The following MIA2 variants were observed in gnomAD, a reference collection of about 807,000 sequenced individuals.
MIA2 encodes MIA SH3 domain ER export factor 2.
In MIA2, 127 loss-of-function variants were observed where a neutral mutation model predicts 167.8. The ratio of observed to expected loss-of-function variants is 0.76; its 90% CI spans 0.66 to 0.88. The LOEUF is 0.88. MIA2 is among the 40% of genes least tolerant of loss of function. The pLI, the probability that MIA2 is intolerant of heterozygous loss-of-function variation, is 0.00. For synonymous variants in MIA2, 552 were observed against 541.9 expected (o/e 1.02, Z -0.26); for missense variants, 1,690 against 1,624.7 (o/e 1.04, Z -0.69).
At chr14:39,306,260 A>T (rs2063323981) in intron 17 of MIA2, among the ~76,000 whole-genome samples, 1 of 152,198 alleles carries the variant, frequency 6.6e-6, no homozygotes, top group African/African-American at 2.4e-5. Flanking sequence ...ACATTGCTGT[A>T]AAGAACTACC....
intron 6 of MIA2, chr14:39,265,579 G>A (rs567911380): frequency 3.5e-6 from 2 of 571,734 alleles, no homozygotes; most frequent in East Asian, 3.3e-5. Flanking sequence ...ATTTGGAGTG[G>A]TAATTACTGA....
At position 39,288,451 on chromosome 14, in the gene MIA2, A is replaced by ATTTTTT; in HGVS notation, c.2131-2567_2131-2566insTTTTTT. On this transcript the variant is annotated intron_variant, in intron 9 of 28. Transcript: ENST00000640607. ...ATTATACATATATATATATATATATATATATATATATATATATATATATAT... is the reference window on the plus strand; with the variant it reads ...ATTATACATATATATATATATATATATTTTTTTATATATATATATATATATATATAT... Among the ~76,000 whole-genome samples the ATTTTTT allele has an allele frequency of 3.4e-3, 30 of 8,786 alleles. 7 individuals are homozygous for ATTTTTT. Among genetic ancestry groups the ATTTTTT allele is most frequent in the Non-Finnish European group, 4.4e-3 (18 of 4,098 alleles). 5.8% of individuals were successfully genotyped at this position (8,786 alleles called of 152,430 possible).
chr14:39,268,904 GT>G, intron 6 of MIA2: 2 of 695,266 alleles, frequency 2.9e-6, no homozygotes, highest in Non-Finnish European at 3.5e-6. Flanking sequence ...TGGAGGTAGG[GT>G]TTTTAGAAAG....
intron 7 of MIA2, 49 bp downstream of exon 7, chr14:39,277,114 T>G (rs1416794422): frequency 6.4e-7 from 1 of 1,558,974 alleles, no homozygotes; most frequent in East Asian, 2.3e-5. Flanking sequence ...GTCACTGGGC[T>G]GAACAAATAA....
chr14:39,364,217 G>A (rs1036183102), intron 23 of MIA2, among the ~76,000 whole-genome samples: 2 of 152,116 alleles, frequency 1.3e-5, no homozygotes, highest in Admixed American at 1.3e-4. Context: ...AATTAGCTGG[G>A]TGTGGTGGCG....
chr14:39,324,827 G>C (rs1051255451), intron 24 of MIA2, among the ~76,000 whole-genome samples: 24 of 151,982 alleles, frequency 1.6e-4, no homozygotes, highest in Admixed American at 1.1e-3. Context: ...GGCTGGTTTC[G>C]AACTCCTCAC....
chr14:39,293,544 CA>C (rs764627212), intron 11 of MIA2, among the ~76,000 whole-genome samples, 163 bp downstream of exon 11: 1 of 152,274 alleles, frequency 6.6e-6, no homozygotes, highest in Non-Finnish European at 1.5e-5. Flanking sequence ...TCACTTCCCC[CA>C]GATGTTACTG....
At chr14:39,353,680 C>A (rs2074449767), downstream of MIA2, among the ~76,000 whole-genome samples, 1 of 152,150 alleles carries the variant, frequency 6.6e-6, no homozygotes, top group African/African-American at 2.4e-5. Context: ...ATTAACTCAT[C>A]ATTTACATTA....
chr14:39,311,955 G>C (rs945520779), intron 18 of MIA2, among the ~76,000 whole-genome samples: 1 of 150,872 alleles, frequency 6.6e-6, no homozygotes, highest in Non-Finnish European at 1.5e-5. Context: ...TCAGACTCCC[G>C]AGTAGCTGGG....
intron 23 of MIA2, among the ~76,000 whole-genome samples, chr14:39,377,236 GA>G (rs202148004): frequency 0.1 from 10,903 of 106,142 alleles, 467 homozygotes; most frequent in South Asian, 0.22. Context: ...GGGGGAGGAA[GA>G]AAAAAAAAAA....
At chr14:39,345,834 A>G (rs1183090475) in intron 25 of MIA2, 70 bp from the exon 26 acceptor site, 4 of 1,354,210 alleles carry the variant, frequency 3.0e-6, no homozygotes, top group South Asian at 1.3e-5. Context: ...TGTAAGTTCA[A>G]TACGTTAAAC....
rs2054639555 is a variant in MIA2 at position 39,252,803 on chromosome 14, A to G, written c.1623A>G (p.Glu541=). Residue 541 remains glutamate, a synonymous_variant, in exon 5 of 29, where the codon GAA becomes GAG. Transcript: ENST00000640607. ...GAATTCACGAAGAAGTATATTTTGA[A>G]CCCTCATCTTCTAAAGATAGTGATG... ...PTRIHEEVYF[E]PSSSKDSDEN... The G allele has an allele frequency of 1.2e-6, 2 of 1,613,758 alleles. No homozygotes were observed. Among genetic ancestry groups the G allele is most frequent in the African/African-American group, 2.7e-5 (2 of 74,928 alleles).
intron 18 of MIA2, among the ~76,000 whole-genome samples, chr14:39,310,581 C>T (rs1223508751): frequency 1.3e-5 from 2 of 151,830 alleles, no homozygotes; most frequent in African/African-American, 2.4e-5. Context: ...AGGAAGCTAA[C>T]CCTGTATTAC....
At chr14:39,301,035 TACATACACACACACAC>T (rs1389990964) in intron 14 of MIA2, among the ~76,000 whole-genome samples, 143 of 68,676 alleles carry the variant, frequency 2.1e-3, no homozygotes, top group African/African-American at 7.1e-3. Flanking sequence ...TATATACATA[TACATACACACACACAC>T]ACACACACAC....
intron 28 of MIA2, 86 bp from the exon 29 acceptor site, chr14:39,350,012 A>G (rs952093085): frequency 3.6e-6 from 2 of 551,378 alleles, no homozygotes; most frequent in Middle Eastern, 3.1e-4. Context: ...AGAATAGGTA[A>G]TGGAAGTTAT....
chr14:39,293,158 A>G, intron 10 of MIA2, 113 bp from the exon 11 acceptor site: 1 of 759,650 alleles, frequency 1.3e-6, no homozygotes, highest in East Asian at 2.8e-5. Flanking sequence ...AAAATGAGCA[A>G]ATGTATAAAT....
chr14:39,298,423 ATATATATATATATATATAT>A (rs1379833092), intron 13 of MIA2, among the ~76,000 whole-genome samples: 1 of 19,702 alleles, frequency 5.1e-5, no homozygotes, highest in East Asian at 2.6e-3. Context: ...TTATATATAT[ATATATATATATATATATAT>A]AAAGATTAGT....
chr14:39,349,078 T>C (rs377737135), intron 28 of MIA2, 101 bp downstream of exon 28: 1 of 1,363,264 alleles, frequency 7.3e-7, no homozygotes, highest in Non-Finnish European at 1.0e-6. Flanking sequence ...TGGAGGAAAG[T>C]TTTTTCTAGC....
intron 6 of MIA2, among the ~76,000 whole-genome samples, chr14:39,254,460 G>A (rs886594392): frequency 2.0e-5 from 3 of 152,106 alleles, no homozygotes; most frequent in Non-Finnish European, 4.4e-5. Context: ...AGATTAAAGG[G>A]GTAAAGACCA....
Sources: allele counts gnomAD v4.1 joint callset (sites outside exome capture counted in the v4.1 genomes callset), GRCh38; gene constraint gnomAD v4.1.1; transcripts MANE v1.5; gene names NCBI Gene and HGNC (gene_info 2026-07-23, HGNC 2026-07-21).